Variants in GTF3C1 observed in about 807,000 individuals in gnomAD.
GTF3C1 encodes general transcription factor 3C polypeptide 1.
A neutral mutation model predicts 226.7 loss-of-function variants in GTF3C1; 57 were observed. The ratio of observed to expected loss-of-function variants is 0.25; its 90% CI spans 0.20 to 0.31. GTF3C1 has a LOEUF of 0.31. Among genes scored for constraint, GTF3C1 ranks in the 10% least tolerant of loss-of-function variants. GTF3C1 has a pLI of 1.00. For synonymous variants in GTF3C1, 1,090 were observed against 1,084.8 expected, an observed-to-expected ratio of 1.00 and a Z score of -0.09; for missense variants, 2,217 against 2,776.1, an observed-to-expected ratio of 0.80 and a Z score of 4.53.
chr16:27,496,421 T>G (rs1392968326), intron 14 of GTF3C1, among the ~76,000 whole-genome samples: 1 of 152,198 alleles, frequency 6.6e-6, no homozygotes, highest in East Asian at 1.9e-4. Flanking sequence ...TTTATTGTTG[T>G]TGTTGTTTTG....
intron 6 of GTF3C1, among the ~76,000 whole-genome samples, chr16:27,512,672 G>GA (rs1443907246): frequency 3.3e-5 from 5 of 152,030 alleles, no homozygotes; most frequent in African/African-American, 1.2e-4. Flanking sequence ...TAAAACATGC[G>GA]AAAAAAATAA....
chr16:27,538,530 C>CAATAAT (rs750878679), intron 2 of GTF3C1, among the ~76,000 whole-genome samples, 174 bp from the exon 3 acceptor site: 1 of 152,126 alleles, frequency 6.6e-6, no homozygotes, highest in Non-Finnish European at 1.5e-5. Flanking sequence ...CTAAAAAAGA[C>CAATAAT]AATAATAATA....
At chr16:27,466,945 G>A (rs1298201268) in intron 32 of GTF3C1, among the ~76,000 whole-genome samples, 1 of 152,224 alleles carries the variant, frequency 6.6e-6, no homozygotes, top group East Asian at 1.9e-4. Flanking sequence ...GCTAGCAGAG[G>A]TTGGTTTATG....
chr16:27,498,258 T>C (rs1219717132), intron 13 of GTF3C1, among the ~76,000 whole-genome samples: 1 of 152,138 alleles, frequency 6.6e-6, no homozygotes. Flanking sequence ...GAGAACTTTC[T>C]CCCTCCCCTG....
intron 6 of GTF3C1, among the ~76,000 whole-genome samples, chr16:27,513,391 T>C (rs962050878): frequency 1.3e-5 from 2 of 152,060 alleles, no homozygotes; most frequent in Non-Finnish European, 2.9e-5. Context: ...GAGGTCGAGG[T>C]TGCAGTGAGC....
At chr16:27,523,354 A>G (rs765019082) in intron 6 of GTF3C1, among the ~76,000 whole-genome samples, 3 of 152,150 alleles carry the variant, frequency 2.0e-5, no homozygotes, top group Non-Finnish European at 2.9e-5. Flanking sequence ...ATAAGCCTAA[A>G]TCCAAATTCG....
intron 6 of GTF3C1, among the ~76,000 whole-genome samples, chr16:27,515,853 A>T (rs2088650610): frequency 6.6e-6 from 1 of 152,224 alleles, no homozygotes; most frequent in African/African-American, 2.4e-5. Context: ...ACTTGCTGGG[A>T]GCCAGGCACC....
At chr16:27,542,268 A>G (rs542687026) in intron 2 of GTF3C1, among the ~76,000 whole-genome samples, 12 of 152,320 alleles carry the variant, frequency 7.9e-5, no homozygotes, top group Admixed American at 3.3e-4. Flanking sequence ...GTTGAAGTTT[A>G]ACTACCAGTA....
At position 27,495,260 on chromosome 16, in the gene GTF3C1, G is replaced by A; in HGVS notation, c.2583C>T (p.Ser861=). 1 of 1,613,070 alleles carries A rather than the reference G, an allele frequency of 6.2e-7. No individual in the cohort carries two copies. Among genetic ancestry groups the A allele is most frequent in the African/African-American group, 1.3e-5 (1 of 75,042 alleles). The change falls in exon 15 of 37, where the codon AGC becomes AGT. Residue 861 remains serine (S), a synonymous_variant. Transcript: ENST00000356183. ...CAGCCTCCCAGGTGACACCATCTTG[G>A]CTGCCTTTAGATGGGGCTTCAGAGC... The part of the protein sequence containing the change: ...EACSEAPSKG[S]QDGVTWEAEV...
chr16:27,485,430 C>A (rs1463157711), intron 24 of GTF3C1, among the ~76,000 whole-genome samples: 2 of 152,206 alleles, frequency 1.3e-5, no homozygotes, highest in African/African-American at 4.8e-5. Flanking sequence ...TGAGAAGTAT[C>A]CGGCCAAGAA....
rs374753052 is a variant in GTF3C1, at chr16:27,464,315, G to A, written c.5872+5C>T. ...AGGTGGGGTGGGGGACAAGGCGCGC[G>A]GTACCTCTGGGGTCTTCAGAGCCCT... On this transcript the variant is annotated splice_donor_5th_base_variant and intron_variant, in intron 34 of 36. Coordinates refer to ENST00000356183, the MANE Select transcript of GTF3C1 (RefSeq NM_001520.4). 1.0e-5 allele frequency: 15 copies of A among 1,454,780 alleles called. No individual in the cohort carries two copies. Among genetic ancestry groups the A allele is most frequent in the South Asian group, 9.2e-5 (6 of 65,142 alleles). 90.1% of individuals were successfully genotyped at this position (1,454,780 alleles called of 1,614,324 possible). A position where few individuals can be genotyped will look rare whatever the true frequency, so the allele number is the denominator to read the frequency against.
chr16:27,465,195 G>T, intron 33 of GTF3C1, 65 bp downstream of exon 33: 1 of 1,446,422 alleles, frequency 6.9e-7, no homozygotes, highest in Non-Finnish European at 9.7e-7. Flanking sequence ...TCCTCAGTGT[G>T]CACCTGGCCT....
At chr16:27,498,907 T>C (rs536809944) in intron 12 of GTF3C1, among the ~76,000 whole-genome samples, 174 bp from the exon 13 acceptor site, 2 of 152,352 alleles carry the variant, frequency 1.3e-5, no homozygotes, top group African/African-American at 4.8e-5. Context: ...GTACAGCTAC[T>C]GGCGGCAAAA....
chr16:27,473,976 A>C (rs1300429394), intron 29 of GTF3C1, among the ~76,000 whole-genome samples: 1 of 152,206 alleles, frequency 6.6e-6, no homozygotes, highest in Non-Finnish European at 1.5e-5. Context: ...GTATTCCCAC[A>C]TAACAGGATA....
intron 7 of GTF3C1, 126 bp from the exon 8 acceptor site, chr16:27,508,781 C>T (rs984522914): frequency 5.9e-5 from 40 of 673,552 alleles, no homozygotes; most frequent in East Asian, 4.4e-4. Context: ...ACAAAACATA[C>T]GCCATTTCTC....
At chr16:27,517,021 C>T (rs1277307916) in intron 6 of GTF3C1, among the ~76,000 whole-genome samples, 1 of 152,220 alleles carries the variant, frequency 6.6e-6, no homozygotes, top group Admixed American at 6.5e-5. Context: ...ACAGAGCTGG[C>T]TGTGAGCCCT....
At chr16:27,535,814 C>T (rs2088992364) in intron 4 of GTF3C1, among the ~76,000 whole-genome samples, 1 of 151,942 alleles carries the variant, frequency 6.6e-6, no homozygotes, top group Admixed American at 6.6e-5. Flanking sequence ...CGCCATCGCA[C>T]TCCAGCCTGG....
chr16:27,481,606 G>T (rs926732261), intron 26 of GTF3C1, among the ~76,000 whole-genome samples: 3 of 152,088 alleles, frequency 2.0e-5, no homozygotes, highest in African/African-American at 7.2e-5. Flanking sequence ...CACTCCACGG[G>T]TGGCCCCCAA....
At chr16:27,476,137 C>G (rs1487359262) in intron 29 of GTF3C1, among the ~76,000 whole-genome samples, 3 of 152,164 alleles carry the variant, frequency 2.0e-5, no homozygotes, top group Non-Finnish European at 4.4e-5. Flanking sequence ...GAGAGATCGC[C>G]AAGTGTGCTC....
Sources: gnomAD v4.1 joint callset for allele counts (sites outside exome capture counted in the v4.1 genomes callset) on GRCh38, gnomAD v4.1.1 for gene constraint, MANE v1.5 for transcripts, NCBI Gene and HGNC (gene_info 2026-07-23, HGNC 2026-07-21) for gene names.